ULK4: variants seen among roughly 807,000 people sequenced by gnomAD.
The protein encoded by ULK4 is unc-51 like kinase 4.
A neutral mutation model predicts 160.6 loss-of-function variants in ULK4; 133 were observed. The observed-to-expected ratio is 0.83, with a 90% CI of 0.72 to 0.96. The LOEUF (loss-of-function observed/expected upper bound fraction) is 0.96, where lower values mean the gene tolerates loss of function less well. Among genes scored for constraint, ULK4 ranks in the 40% least tolerant of loss-of-function variants. The probability of loss-of-function intolerance (pLI) is 0.00; values close to 1 mark genes in which losing one functional copy is unlikely to be tolerated. For missense variants in ULK4, 1,580 were observed against 1,499.5 expected, an observed-to-expected ratio of 1.05 and a Z score of -0.89; for synonymous variants, 534 against 539.8, an observed-to-expected ratio of 0.99 and a Z score of 0.15.
At chr3:41,821,902 T>C (rs1211606181) in intron 18 of ULK4, among the ~76,000 whole-genome samples, 1 of 150,752 alleles carries the variant, frequency 6.6e-6, no homozygotes, top group Admixed American at 6.6e-5. Flanking sequence ...ATCCAACAGA[T>C]CCCTCTTAGT....
At chr3:41,858,459 G>A (rs1037523531) in intron 17 of ULK4, among the ~76,000 whole-genome samples, 1 of 150,368 alleles carries the variant, frequency 6.7e-6, no homozygotes, top group African/African-American at 2.4e-5. Context: ...GCCTCCCAAA[G>A]GTTTTGATAT....
At chr3:41,603,175 T>A (rs936116563) in intron 31 of ULK4, among the ~76,000 whole-genome samples, 2 of 152,012 alleles carry the variant, frequency 1.3e-5, no homozygotes, top group Non-Finnish European at 2.9e-5. Flanking sequence ...GGTCTGGCTA[T>A]ACTGATATCA....
intron 32 of ULK4, among the ~76,000 whole-genome samples, chr3:41,499,746 T>C (rs1352068825): frequency 1.3e-5 from 2 of 152,176 alleles, no homozygotes; most frequent in East Asian, 1.9e-4. Flanking sequence ...GTATGGCACA[T>C]TGGGGTTAAA....
chr3:41,780,253 A>T (rs1323460854), intron 21 of ULK4, among the ~76,000 whole-genome samples: 1 of 152,094 alleles, frequency 6.6e-6, no homozygotes, highest in African/African-American at 2.4e-5. Context: ...GGTTTCAGTG[A>T]GCCAAGATCA....
chr3:41,804,919 T>C (rs1461316462), intron 19 of ULK4, among the ~76,000 whole-genome samples: 1 of 152,156 alleles, frequency 6.6e-6, no homozygotes, highest in Non-Finnish European at 1.5e-5. Context: ...GGTAGCGTGA[T>C]GCCTCCAGCT....
intron 17 of ULK4, among the ~76,000 whole-genome samples, chr3:41,866,896 G>C (rs981602182): frequency 8.5e-5 from 13 of 152,104 alleles, no homozygotes; most frequent in Non-Finnish European, 1.8e-4. Flanking sequence ...AAATTATTCA[G>C]ATTATCCCCT....
intron 32 of ULK4, among the ~76,000 whole-genome samples, chr3:41,561,739 G>C (rs1443685764): frequency 6.6e-6 from 1 of 152,074 alleles, no homozygotes; most frequent in Non-Finnish European, 1.5e-5. Flanking sequence ...GTGTCTATTT[G>C]ATTCTTCTCT....
At chr3:41,661,353 T>C (rs974016749) in intron 30 of ULK4, among the ~76,000 whole-genome samples, 7 of 152,146 alleles carry the variant, frequency 4.6e-5, no homozygotes, top group Non-Finnish European at 1.0e-4. Context: ...TTTTTTTTAG[T>C]CAATCACCAC....
chr3:41,918,464 A>G lies in ULK4; in HGVS notation c.720T>C (p.Ile240=), dbSNP rs1470900199. 15 of 1,576,670 alleles carry G rather than the reference A, an allele frequency of 9.5e-6. No homozygotes were observed. The highest frequency in any genetic ancestry group is 1.3e-5 in the Non-Finnish European group (15 of 1,160,638). ...TATCATAAGAAATCTTACCTTTCGG[A>G]ATAGGTGGCAAAGGATCTTCACATA... ...KILCEDPLPP[I]PKDSSRPKAS... is the part of the protein sequence containing the mutation. Residue 240 remains isoleucine, a synonymous_variant, in exon 7 of 37, where the codon ATT becomes ATC. Coordinates refer to ENST00000301831, the MANE Select transcript of ULK4 (RefSeq NM_017886.4).
intron 32 of ULK4, among the ~76,000 whole-genome samples, chr3:41,477,224 C>G (rs139058125): frequency 9.2e-5 from 14 of 152,104 alleles, no homozygotes; most frequent in Non-Finnish European, 1.9e-4. Flanking sequence ...GGAGTCTCTC[C>G]GTAAGTTATT....
intron 2 of ULK4, among the ~76,000 whole-genome samples, chr3:41,947,578 C>T (rs1024102867): frequency 6.6e-6 from 1 of 152,162 alleles, no homozygotes; most frequent in African/African-American, 2.4e-5. Context: ...ATGATACTGA[C>T]ATCATAGGCA....
Position 41,303,506 on chromosome 3 carries a change from A to C in ULK4, c.3679-53932T>G, listed in dbSNP as rs115090937. ...CTGTCTCTGCGAATTCAGTGAGGTT[A>C]GTGAGGTCTCAGCTTGAGTTTTCCC... On this transcript the variant is annotated intron_variant, in intron 35 of 36. Coordinates refer to ENST00000301831, the MANE Select transcript of ULK4 (RefSeq NM_017886.4). Among the ~76,000 whole-genome samples the C allele has an allele frequency of 3.6e-3, 555 of 152,330 alleles. 1 individual carries two copies. The highest frequency in any genetic ancestry group is 0.012 in the African/African-American group (506 of 41,578).
At chr3:41,755,164 C>T (rs1027509657) in intron 21 of ULK4, among the ~76,000 whole-genome samples, 3 of 152,108 alleles carry the variant, frequency 2.0e-5, no homozygotes, top group Admixed American at 6.5e-5. Flanking sequence ...GTCAGAAATA[C>T]GGAATCGTAA....
At chr3:41,824,742 G>A (rs2041283233) in intron 18 of ULK4, among the ~76,000 whole-genome samples, 1 of 152,202 alleles carries the variant, frequency 6.6e-6, no homozygotes, top group South Asian at 2.1e-4. Flanking sequence ...TCTGGGGGCA[G>A]GGCATAGCCA....
chr3:41,526,242 C>T (rs1024617047), intron 32 of ULK4, among the ~76,000 whole-genome samples: 3 of 152,058 alleles, frequency 2.0e-5, no homozygotes, highest in Non-Finnish European at 4.4e-5. Flanking sequence ...AAGTTTCTTC[C>T]CTCCAGTTTT....
intron 17 of ULK4, chr3:41,854,317 C>T (rs2042284220): frequency 6.6e-6 from 1 of 152,224 alleles, no homozygotes; most frequent in African/African-American, 2.4e-5. Flanking sequence ...GGGACACCAG[C>T]ATCTTTGAAG....
rs187185325 is a variant in ULK4 at position 41,318,787 on chromosome 3, A to C, written c.3679-69213T>G. ...TAGAAAAACAACTTGGATGTGGTTG[A>C]TCGATATTCTGGATCCAGTCATGGC... On this transcript the variant is annotated intron_variant, in intron 35 of 36. Coordinates refer to ENST00000301831, the MANE Select transcript of ULK4 (RefSeq NM_017886.4). Among the ~76,000 whole-genome samples, 472 of 152,292 alleles carry C rather than the reference A, an allele frequency of 3.1e-3. 1 individual carries two copies. Among genetic ancestry groups the C allele is most frequent in the African/African-American group, 0.011 (439 of 41,556 alleles).
chr3:41,755,326 T>C (rs2038764358), intron 21 of ULK4, among the ~76,000 whole-genome samples: 2 of 152,320 alleles, frequency 1.3e-5, no homozygotes, highest in South Asian at 4.1e-4. Context: ...TATTTGGTGC[T>C]ATGTTTCCAG....
chr3:41,265,076 C>CT (rs1302780000), intron 35 of ULK4, among the ~76,000 whole-genome samples: 1 of 152,200 alleles, frequency 6.6e-6, no homozygotes, highest in Non-Finnish European at 1.5e-5. Context: ...GACTCCACGA[C>CT]TTTGGGACAC....
Sources: allele counts gnomAD v4.1 joint callset (sites outside exome capture counted in the v4.1 genomes callset), GRCh38; gene constraint gnomAD v4.1.1; transcripts MANE v1.5; gene names NCBI Gene and HGNC (gene_info 2026-07-23, HGNC 2026-07-21).